The following MIA3 variants were observed in gnomAD, a reference collection of about 807,000 sequenced individuals.
MIA3 encodes MIA SH3 domain ER export factor 3, also known as transport and Golgi organization protein 1 homolog.
A neutral mutation model predicts 192.4 loss-of-function variants in MIA3; 90 were observed. The ratio of observed to expected loss-of-function variants is 0.47; its 90% CI spans 0.39 to 0.56. MIA3 has a LOEUF of 0.56. Among genes scored for constraint, MIA3 ranks in the 20% least tolerant of loss-of-function variants. The probability of loss-of-function intolerance (pLI) is 0.00; values close to 1 mark genes in which losing one functional copy is unlikely to be tolerated. For synonymous variants in MIA3, 740 were observed against 792.8 expected, an observed-to-expected ratio of 0.93 and a Z score of 1.12; for missense variants, 2,123 against 2,269.4, an observed-to-expected ratio of 0.94 and a Z score of 1.31.
rs1351692354 is a variant in MIA3 at position 222,666,308 on chromosome 1, A to G, written c.*689A>G. The G allele has an allele frequency of 1.3e-5, 2 of 152,104 alleles. No homozygotes were observed. The highest frequency in any genetic ancestry group is 2.9e-5 in the Non-Finnish European group (2 of 68,028). 9.4% of individuals were successfully genotyped at this position (152,104 alleles called of 1,614,324 possible). A position where few individuals can be genotyped will look rare whatever the true frequency, so the allele number is the denominator to read the frequency against. The stretch of plus-strand genomic sequence containing the variant: ...CAAGTGACGTCTTTTTATTTCAAAG[A>G]AGTTTATTTCCCACTTGTATAGCAT... On this transcript the variant is annotated 3_prime_UTR_variant, in exon 28 of 28. Transcript: ENST00000344922.
chr1:222,622,865 T>C (rs1661937724), intron 2 of MIA3, among the ~76,000 whole-genome samples: 1 of 152,256 alleles, frequency 6.6e-6, no homozygotes, highest in African/African-American at 2.4e-5. Flanking sequence ...GTCACACCTC[T>C]CATCCTGCCT....
At chr1:222,640,986 G>A (rs978102582) in intron 6 of MIA3, among the ~76,000 whole-genome samples, 1 of 152,100 alleles carries the variant, frequency 6.6e-6, no homozygotes, top group African/African-American at 2.4e-5. Flanking sequence ...TAATTATCAG[G>A]GAAATGCCAA....
rs1571908220 is a variant in MIA3 at position 222,659,604 on chromosome 1, A to G, written c.4771-18A>G. Reference sequence around the variant, plus strand: ...AATGAATCTGTATGCATATTTTGTGATGTATTATCTTTTTCAGATCGCTAC... The same window carrying G: ...AATGAATCTGTATGCATATTTTGTGGTGTATTATCTTTTTCAGATCGCTAC... On this transcript the variant is annotated intron_variant, in intron 20 of 27. Coordinates refer to ENST00000344922, the MANE Select transcript of MIA3 (RefSeq NM_198551.4). The G allele has an allele frequency of 1.9e-6, 3 of 1,613,608 alleles. No individual in the cohort carries two copies. Among genetic ancestry groups the G allele is most frequent in the Non-Finnish European group, 2.5e-6 (3 of 1,179,720 alleles).
chr1:222,618,166 G>T lies in MIA3; in HGVS notation c.56G>T (p.Arg19Leu). ...VWLLVLRLPW[R>L]VPGQLDPSTG... The stretch of plus-strand genomic sequence containing the variant: ...CTGCTCGTGCTCCGGCTGCCCTGGC[G>T]GGTGCCGGGCCAGCTGGACCCCAGC... The change falls in exon 1 of 28, where the codon CGG becomes CTG. Residue 19 changes from arginine (R) to leucine (L), a missense_variant. This residue lies in a region of MIA3 where 1,357 missense variants were observed against 1,396.1 expected (regional missense o/e 0.97). Transcript: ENST00000344922. 5 of 1,505,546 alleles carry T rather than the reference G, an allele frequency of 3.3e-6. No individual in the cohort carries two copies. The highest frequency in any genetic ancestry group is 2.8e-5 in the East Asian group (1 of 35,676). 93.3% of individuals were successfully genotyped at this position (1,505,546 alleles called of 1,614,324 possible).
At chr1:222,636,934 T>A (rs934907109) in intron 6 of MIA3, among the ~76,000 whole-genome samples, 8 of 152,226 alleles carry the variant, frequency 5.3e-5, no homozygotes, top group Admixed American at 5.2e-4. Flanking sequence ...ATCCCTGCAC[T>A]GAAGTCAAGA....
At position 222,659,499 on chromosome 1, in the gene MIA3, T is replaced by C; in HGVS notation, c.4756T>C (p.Ser1586Pro). Residue 1586 changes from serine to proline, a missense_variant, in exon 20 of 28, where the codon TCA becomes CCA. Physicochemically the swap from Ser to Pro is moderately conservative, Grantham distance 74. This residue lies in a region of MIA3 where 762 missense variants were observed against 856.4 expected (regional missense o/e 0.89). Transcript: ENST00000344922. ...GGATGAATTACAGAAGACAGAGCGGTCATTTAAAAACCAGGTAATAATTCT... is the reference window on the plus strand; with the variant it reads ...GGATGAATTACAGAAGACAGAGCGGCCATTTAAAAACCAGGTAATAATTCT... ...MEDELQKTER[S>P]FKNQIATHEK... 2 of 1,613,890 alleles carry C rather than the reference T, an allele frequency of 1.2e-6. No homozygotes were observed. The highest frequency in any genetic ancestry group is 1.7e-6 in the Non-Finnish European group (2 of 1,179,836).
intron 7 of MIA3, 54 bp downstream of exon 7, chr1:222,645,739 C>A: frequency 1.3e-6 from 2 of 1,498,362 alleles, no homozygotes; most frequent in South Asian, 1.2e-5. Flanking sequence ...GTTTTATAAT[C>A]ACAGTCCTTT....
In MIA3 at chr1:222,630,341, CTGGTGATGGCA is replaced by C; in HGVS notation, c.3122_3132del (p.Leu1041ProfsTer19). The C allele has an allele frequency of 6.2e-7, 1 of 1,613,542 alleles. No homozygotes were observed. Among genetic ancestry groups the C allele is most frequent in the Non-Finnish European group, 8.5e-7 (1 of 1,179,704 alleles). ...CTCCACAGCAGAGGAGACAGCCACA[CTGGTGATGGCA>C]CCACCTCTAGAGGAAGGCTTGGGTG... On this transcript the variant is annotated frameshift_variant, in exon 4 of 28. Coordinates refer to ENST00000344922, the MANE Select transcript of MIA3 (RefSeq NM_198551.4). LOFTEE classifies it high-confidence loss of function.
At chr1:222,621,719 G>A (rs189420472) in intron 2 of MIA3, among the ~76,000 whole-genome samples, 3 of 152,176 alleles carry the variant, frequency 2.0e-5, no homozygotes, top group Non-Finnish European at 4.4e-5. Flanking sequence ...TTATGAAAAA[G>A]TGGCAGTCTT....
chr1:222,651,963 T>C lies in MIA3; in HGVS notation c.3910-14T>C, dbSNP rs1225471559. 4 of 1,446,924 alleles carry C rather than the reference T, an allele frequency of 2.8e-6. No homozygotes were observed. The highest frequency in any genetic ancestry group is 1.9e-6 in the Non-Finnish European group (2 of 1,028,940). 89.6% of individuals were successfully genotyped at this position (1,446,924 alleles called of 1,614,324 possible). A position where few individuals can be genotyped will look rare whatever the true frequency, so the allele number is the denominator to read the frequency against. On this transcript the variant is annotated splice_polypyrimidine_tract_variant and intron_variant, in intron 11 of 27. Transcript: ENST00000344922. ...ATCCTAATATGCATTTTGTGTTCTG[T>C]TTTTACATGGCAGATATCAGAAAAC...
intron 6 of MIA3, among the ~76,000 whole-genome samples, chr1:222,642,199 G>T (rs1662892138): frequency 1.3e-5 from 2 of 152,140 alleles, no homozygotes; most frequent in South Asian, 4.1e-4. Flanking sequence ...TGGTTGTGAT[G>T]ATGGTTTCAC....
chr1:222,619,290 T>C (rs1003067630), intron 1 of MIA3, among the ~76,000 whole-genome samples: 1 of 152,192 alleles, frequency 6.6e-6, no homozygotes, highest in Non-Finnish European at 1.5e-5. Context: ...GTCTCAACCT[T>C]GTAACTTACT....
At chr1:222,646,028 C>T (rs569031771) in intron 7 of MIA3, 10 of 188,924 alleles carry the variant, frequency 5.3e-5, no homozygotes, top group Non-Finnish European at 8.8e-5. Flanking sequence ...TAGAGCCATC[C>T]TGAAAAATAG....
chr1:222,648,688 T>G (rs1663271267), intron 7 of MIA3, 141 bp from the exon 8 acceptor site: 1 of 609,532 alleles, frequency 1.6e-6, no homozygotes, highest in Admixed American at 3.0e-5. Context: ...TTTAAGTTTT[T>G]TCATCTTGAG....
chr1:222,643,224 G>GA (rs1662941712), intron 6 of MIA3, among the ~76,000 whole-genome samples: 1 of 152,138 alleles, frequency 6.6e-6, no homozygotes, highest in African/African-American at 2.4e-5. Flanking sequence ...TGAACAATGA[G>GA]AAAAAGATCC....
At chr1:222,643,935 C>T (rs953022505) in intron 6 of MIA3, among the ~76,000 whole-genome samples, 12 of 149,124 alleles carry the variant, frequency 8.0e-5, no homozygotes, top group Admixed American at 6.3e-4. Flanking sequence ...AAGCAGAGGA[C>T]TGAGTGGGCA....
At chr1:222,624,594 A>C (rs528995507) in intron 2 of MIA3, among the ~76,000 whole-genome samples, 174 bp from the exon 3 acceptor site, 1 of 152,340 alleles carries the variant, frequency 6.6e-6, no homozygotes, top group South Asian at 2.1e-4. Context: ...ACCCATACAA[A>C]GTGTCACTAG....
At chr1:222,653,161 C>A (rs1165273572) in intron 14 of MIA3, 31 bp downstream of exon 14, 8 of 1,596,118 alleles carry the variant, frequency 5.0e-6, no homozygotes, top group Non-Finnish European at 6.0e-6. Context: ...AAGCTTAATT[C>A]TTGTGAATTA....
intron 24 of MIA3, chr1:222,660,773 G>A (rs887492389): frequency 4.9e-5 from 8 of 162,496 alleles, no homozygotes; most frequent in African/African-American, 1.2e-4. Flanking sequence ...TATGTATGTC[G>A]TGAATGCATA....
Sources: allele counts gnomAD v4.1 joint callset (sites outside exome capture counted in the v4.1 genomes callset), GRCh38; gene constraint gnomAD v4.1.1; regional missense constraint gnomAD v4.1.1; transcripts MANE v1.5; gene names NCBI Gene and HGNC (gene_info 2026-07-23, HGNC 2026-07-21).